SRD5A3: variants seen among roughly 807,000 people sequenced by gnomAD.
The protein encoded by SRD5A3 is steroid 5 alpha-reductase 3.
A neutral mutation model predicts 34.3 loss-of-function variants in SRD5A3; 24 were observed. The ratio of observed to expected loss-of-function variants is 0.70; its 90% CI spans 0.51 to 0.99. The LOEUF (loss-of-function observed/expected upper bound fraction) is 0.99. Among genes scored for constraint, SRD5A3 ranks in the 50% least tolerant of loss-of-function variants. The probability of loss-of-function intolerance (pLI) is 0.00; values close to 1 mark genes in which losing one functional copy is unlikely to be tolerated. For missense variants in SRD5A3, 350 were observed against 388.2 expected (o/e 0.90, Z 0.83); for synonymous variants, 161 against 167.3 (o/e 0.96, Z 0.29).
At position 55,369,837 on chromosome 4, in the gene SRD5A3, G is replaced by T; in HGVS notation, c.703G>T (p.Val235Phe). 1 of 1,614,122 alleles carries T rather than the reference G, an allele frequency of 6.2e-7. No individual in the cohort carries two copies. The highest frequency in any genetic ancestry group is 8.5e-7 in the Non-Finnish European group (1 of 1,180,018). The change falls in exon 5 of 5, where the codon GTC becomes TTC. Residue 235 changes from valine (V) to phenylalanine (F), a missense_variant. Val to Phe is a conservative substitution (Grantham distance 50). Coordinates refer to ENST00000264228, the MANE Select transcript of SRD5A3 (RefSeq NM_024592.5). ...GNLRKNKAGV[V>F]IHCNHRIPFG... ...ATCTTCTTTTACCCTTTCAGGAGTG[G>T]TCATTCACTGTAACCACAGGATCCC...
At chr4:55,356,940 C>T (rs1488647815) in intron 1 of SRD5A3, among the ~76,000 whole-genome samples, 3 of 152,184 alleles carry the variant, frequency 2.0e-5, no homozygotes, top group Admixed American at 6.5e-5. Context: ...CTTCTACCCT[C>T]GCCCTTGGCC....
intron 1 of SRD5A3, among the ~76,000 whole-genome samples, chr4:55,354,520 C>T (rs1278683418): frequency 6.6e-6 from 1 of 152,186 alleles, no homozygotes; most frequent in African/African-American, 2.4e-5. Context: ...GACTTTGTCT[C>T]TAGTTTGCCC....
chr4:55,349,681 ACTT>A (rs940484878), intron 1 of SRD5A3, among the ~76,000 whole-genome samples: 6 of 152,122 alleles, frequency 3.9e-5, no homozygotes, highest in Non-Finnish European at 1.5e-5. Flanking sequence ...ATGTAGAAGA[ACTT>A]CTTAAATTTC....
At chr4:55,366,377 C>A (rs1233973263) in intron 3 of SRD5A3, among the ~76,000 whole-genome samples, 1 of 152,156 alleles carries the variant, frequency 6.6e-6, no homozygotes, top group African/African-American at 2.4e-5. Flanking sequence ...CAGGTTCTCG[C>A]TATGTTGGCA....
intron 1 of SRD5A3, among the ~76,000 whole-genome samples, chr4:55,356,598 A>G (rs1265977457): frequency 6.6e-6 from 1 of 151,958 alleles, no homozygotes; most frequent in Non-Finnish European, 1.5e-5. Flanking sequence ...AGTAGCTGGA[A>G]CTACAGGCAT....
rs1718993667 is a variant in SRD5A3, at chr4:55,346,382, C to G, written c.46C>G (p.Arg16Gly). The G allele has an allele frequency of 6.4e-7, 1 of 1,571,662 alleles. No individual in the cohort carries two copies. The highest frequency in any genetic ancestry group is 1.4e-5 in the African/African-American group (1 of 71,588). ...EAEHSALNPLRAVWLTLTAAF... is the reference protein window; with the variant it reads ...EAEHSALNPLGAVWLTLTAAF... ...CGAGCACTCGGCGCTGAACCCGCTGCGCGCGGTGTGGCTCACGCTGACCGC... is the reference window on the plus strand; with the variant it reads ...CGAGCACTCGGCGCTGAACCCGCTGGGCGCGGTGTGGCTCACGCTGACCGC... The change falls in exon 1 of 5, where the codon CGC becomes GGC. Residue 16 changes from arginine to glycine, a missense_variant. Transcript: ENST00000264228.
chr4:55,359,476 G>T lies in SRD5A3; in HGVS notation c.352G>T (p.Ala118Ser). The T allele has an allele frequency of 6.2e-7, 1 of 1,614,042 alleles. No homozygotes were observed. Among genetic ancestry groups the T allele is most frequent in the Non-Finnish European group, 8.5e-7 (1 of 1,180,008 alleles). The change falls in exon 2 of 5, where the codon GCA becomes TCA. Residue 118 changes from alanine to serine, a missense_variant. Physicochemically the swap from Ala to Ser is moderately conservative, Grantham distance 99. Coordinates refer to ENST00000264228, the MANE Select transcript of SRD5A3 (RefSeq NM_024592.5). ...LHGLLRILGA[A>S]QFQGGELALS... ...TGGTTTGCTCAGAATTCTCGGGGCGGCACAGTTCCAGGGTAAGGACTCCCT... is the reference window on the plus strand; with the variant it reads ...TGGTTTGCTCAGAATTCTCGGGGCGTCACAGTTCCAGGGTAAGGACTCCCT...
chr4:55,358,310 C>G (rs1719546614), intron 1 of SRD5A3, among the ~76,000 whole-genome samples: 2 of 152,028 alleles, frequency 1.3e-5, no homozygotes, highest in Non-Finnish European at 1.5e-5. Flanking sequence ...TGGGAGGGAT[C>G]TCTTGAGCCC....
chr4:55,361,593 G>T (rs1007720098), intron 2 of SRD5A3, among the ~76,000 whole-genome samples: 2 of 150,898 alleles, frequency 1.3e-5, no homozygotes, highest in African/African-American at 4.9e-5. Flanking sequence ...CTTGAGGTCA[G>T]GAGTTCAAGA....
chr4:55,356,656 T>C (rs1299228617), intron 1 of SRD5A3, among the ~76,000 whole-genome samples: 2 of 152,070 alleles, frequency 1.3e-5, no homozygotes, highest in Non-Finnish European at 2.9e-5. Context: ...TTTTCTTTTT[T>C]AGTAGAGATG....
chr4:55,351,791 AG>A (rs1051301327), intron 1 of SRD5A3: 10 of 477,598 alleles, frequency 2.1e-5, no homozygotes, highest in Non-Finnish European at 3.3e-5. Context: ...AGAAAGGCAG[AG>A]GAACTGTGTC....
At chr4:55,366,726 C>T (rs1400228826) in intron 3 of SRD5A3, 2 of 152,246 alleles carry the variant, frequency 1.3e-5, no homozygotes, top group Non-Finnish European at 2.9e-5. Flanking sequence ...GCTCCAGAGC[C>T]TCAGGCTCTT....
chr4:55,358,489 T>A (rs1719554074), intron 1 of SRD5A3, among the ~76,000 whole-genome samples: 1 of 129,196 alleles, frequency 7.7e-6, no homozygotes, highest in Admixed American at 9.5e-5. Context: ...TGAGTGGTGA[T>A]CACAACACTG....
rs149214750 is a variant in SRD5A3 at position 55,370,681 on chromosome 4, C to T, written c.*590C>T. ...TTCGCTTGGGCCCAAGAGTTCGAGA[C>T]CAGCCTGGGCAACATGGTGAAACCC... On this transcript the variant is annotated 3_prime_UTR_variant, in exon 5 of 5. Transcript: ENST00000264228. 163 of 155,148 alleles carry T rather than the reference C, an allele frequency of 1.1e-3. No individual in the cohort carries two copies. The highest frequency in any genetic ancestry group is 1.7e-3 in the Non-Finnish European group (117 of 70,002). The allele number at this position is 155,148 out of a possible 1,614,324, so 9.6% of individuals were successfully genotyped here.
intron 1 of SRD5A3, among the ~76,000 whole-genome samples, chr4:55,357,854 G>A (rs1261290971): frequency 1.3e-5 from 2 of 152,226 alleles, no homozygotes; most frequent in African/African-American, 4.8e-5. Context: ...TTACAGGCAT[G>A]CATCACCATG....
chr4:55,348,986 C>T (rs987205382), intron 1 of SRD5A3, among the ~76,000 whole-genome samples: 4 of 152,090 alleles, frequency 2.6e-5, no homozygotes, highest in African/African-American at 9.7e-5. Flanking sequence ...TAACGTTAAC[C>T]TTGATACTTA....
chr4:55,352,547 C>G lies in SRD5A3; in HGVS notation c.221+5990C>G, dbSNP rs114306832. Reference sequence around the variant, plus strand: ...AAACATTTCATGAGTTTATATTTGTCTTGTTTGCTACCATATCCCTAGCTT... The same window carrying G: ...AAACATTTCATGAGTTTATATTTGTGTTGTTTGCTACCATATCCCTAGCTT... On this transcript the variant is annotated intron_variant, in intron 1 of 4. Coordinates refer to ENST00000264228, the MANE Select transcript of SRD5A3 (RefSeq NM_024592.5). 7.2e-3 allele frequency: 3,388 copies of G among 469,438 alleles called. 84 individuals carry two copies. The highest frequency in any genetic ancestry group is 0.061 in the African/African-American group (3,094 of 50,704). 29.1% of individuals were successfully genotyped at this position (469,438 alleles called of 1,614,324 possible).
At chr4:55,352,366 A>G in intron 1 of SRD5A3, 1 of 784,896 alleles carries the variant, frequency 1.3e-6, no homozygotes, top group Non-Finnish European at 2.3e-6. Context: ...CTAAGCATTC[A>G]CTTCATGGTC....
intron 1 of SRD5A3, among the ~76,000 whole-genome samples, chr4:55,348,347 A>G (rs1187026195): frequency 2.0e-5 from 3 of 152,232 alleles, no homozygotes; most frequent in African/African-American, 7.2e-5. Context: ...CAAAAAAAAG[A>G]TAACTTGCAT....
Sources: gnomAD v4.1 joint callset for allele counts (sites outside exome capture counted in the v4.1 genomes callset) on GRCh38, gnomAD v4.1.1 for gene constraint, MANE v1.5 for transcripts, NCBI Gene and HGNC (gene_info 2026-07-23, HGNC 2026-07-21) for gene names.